Variants in CHSY3 observed in about 807,000 individuals in gnomAD.
CHSY3 encodes N-acetylgalactosaminyl-proteoglycan 3-beta-glucuronosyltransferase 3.
Under a neutral mutation model 67.2 loss-of-function variants are expected in CHSY3, and 35 were observed. The observed-to-expected ratio is 0.52, with a 90% CI of 0.40 to 0.69. The LOEUF is 0.69. Among genes scored for constraint, CHSY3 ranks in the 30% least tolerant of loss-of-function variants. The pLI is 0.00. For missense variants in CHSY3, 1,069 were observed against 1,138.5 expected (o/e 0.94, Z 0.88); for synonymous variants, 474 against 434.7 (o/e 1.09, Z -1.12).
intron 2 of CHSY3, among the ~76,000 whole-genome samples, chr5:129,939,969 A>G (rs1207581092): frequency 6.6e-6 from 1 of 152,162 alleles, no homozygotes; most frequent in Non-Finnish European, 1.5e-5. Context: ...GACTGTTTAA[A>G]CAGTATGATT....
At chr5:129,996,712 CAT>C (rs1405379248) in intron 2 of CHSY3, among the ~76,000 whole-genome samples, 1 of 151,994 alleles carries the variant, frequency 6.6e-6, no homozygotes, top group Non-Finnish European at 1.5e-5. Flanking sequence ...TTATGACAAA[CAT>C]GTAGCAATTC....
At chr5:130,023,797 A>G (rs1439087151) in intron 2 of CHSY3, among the ~76,000 whole-genome samples, 1 of 151,942 alleles carries the variant, frequency 6.6e-6, no homozygotes, top group Non-Finnish European at 1.5e-5. Context: ...TGTATTAATA[A>G]AGTGTACAGA....
At chr5:130,017,029 T>G (rs1764237465) in intron 2 of CHSY3, among the ~76,000 whole-genome samples, 1 of 152,044 alleles carries the variant, frequency 6.6e-6, no homozygotes, top group Non-Finnish European at 1.5e-5. Flanking sequence ...GCTGTAAACA[T>G]CCAGCCATGA....
intron 2 of CHSY3, among the ~76,000 whole-genome samples, chr5:130,160,900 T>TA (rs1441444249): frequency 7.2e-6 from 1 of 138,800 alleles, no homozygotes; most frequent in Non-Finnish European, 1.5e-5. Flanking sequence ...TATTTATTTT[T>TA]TTTTTTTTAT....
chr5:130,022,416 C>T (rs1293602416), intron 2 of CHSY3, among the ~76,000 whole-genome samples: 4 of 151,836 alleles, frequency 2.6e-5, no homozygotes, highest in African/African-American at 9.7e-5. Context: ...CTGTTAATAC[C>T]ACCACTAATA....
intron 2 of CHSY3, among the ~76,000 whole-genome samples, chr5:130,168,017 A>G (rs1403797586): frequency 6.6e-6 from 1 of 152,090 alleles, no homozygotes; most frequent in Non-Finnish European, 1.5e-5. Context: ...ACACATGCAC[A>G]CACACTGATA....
chr5:130,045,630 T>A (rs1468560215), intron 2 of CHSY3, among the ~76,000 whole-genome samples: 1 of 152,054 alleles, frequency 6.6e-6, no homozygotes, highest in Non-Finnish European at 1.5e-5. Context: ...CTGATGTAGA[T>A]TTGGTGCTCT....
chr5:129,972,988 T>C (rs1354050455), intron 2 of CHSY3, among the ~76,000 whole-genome samples: 2 of 152,042 alleles, frequency 1.3e-5, no homozygotes, highest in Non-Finnish European at 2.9e-5. Flanking sequence ...TCAATCATGC[T>C]TTTTCATGGT....
chr5:130,154,829 A>G (rs943262810), intron 2 of CHSY3, among the ~76,000 whole-genome samples: 3 of 152,194 alleles, frequency 2.0e-5, no homozygotes, highest in African/African-American at 7.2e-5. Context: ...GGAGTTAAAG[A>G]TCTTCCTAGG....
chr5:130,077,225 C>G (rs1021987615), intron 2 of CHSY3, among the ~76,000 whole-genome samples: 7 of 151,994 alleles, frequency 4.6e-5, no homozygotes, highest in Admixed American at 2.0e-4. Context: ...AGTATGAGGC[C>G]TGCTTCACAA....
At chr5:130,145,373 T>C (rs1419146390) in intron 2 of CHSY3, among the ~76,000 whole-genome samples, 3 of 152,186 alleles carry the variant, frequency 2.0e-5, no homozygotes, top group Non-Finnish European at 4.4e-5. Flanking sequence ...TAAATGTTGC[T>C]GGGAAAATTT....
At chr5:130,021,666 T>A (rs1275416454) in intron 2 of CHSY3, among the ~76,000 whole-genome samples, 1 of 152,138 alleles carries the variant, frequency 6.6e-6, no homozygotes, top group African/African-American at 2.4e-5. Context: ...TATGTTTTAA[T>A]GCTTTTTCTA....
At chr5:130,020,461 A>ATATATATTTTTTTT (rs1371121130) in intron 2 of CHSY3, among the ~76,000 whole-genome samples, 1 of 79,934 alleles carries the variant, frequency 1.3e-5, no homozygotes, top group African/African-American at 6.1e-5. Flanking sequence ...ATATATATAT[A>ATATATATTTTTTTT]TTTTTTTTTT....
intron 2 of CHSY3, among the ~76,000 whole-genome samples, chr5:130,016,484 T>C (rs977812210): frequency 6.6e-6 from 1 of 152,234 alleles, no homozygotes; most frequent in Non-Finnish European, 1.5e-5. Flanking sequence ...CGATCTCAGC[T>C]CAGTGCAACC....
chr5:129,904,218 C>G (rs1258331759), upstream of CHSY3, among the ~76,000 whole-genome samples: 3 of 144,674 alleles, frequency 2.1e-5, no homozygotes, highest in Admixed American at 7.1e-5. Context: ...CGCTGCAAGC[C>G]GGAGGCGGCC....
intron 2 of CHSY3, among the ~76,000 whole-genome samples, chr5:130,037,256 C>T (rs1764886755): frequency 6.6e-6 from 1 of 152,000 alleles, no homozygotes; most frequent in Admixed American, 6.6e-5. Context: ...TGAGTTTCAC[C>T]ACCAATGCAG....
chr5:130,174,367 G>A (rs1405779343), intron 2 of CHSY3, among the ~76,000 whole-genome samples: 1 of 151,420 alleles, frequency 6.6e-6, no homozygotes, highest in Non-Finnish European at 1.5e-5. Flanking sequence ...CTTTACATAA[G>A]TAAATTAAGG....
intron 2 of CHSY3, among the ~76,000 whole-genome samples, chr5:130,008,140 C>T (rs1371560692): frequency 1.3e-5 from 2 of 152,220 alleles, no homozygotes; most frequent in East Asian, 1.9e-4. Flanking sequence ...TGTGTGGACC[C>T]TGCTGCTATG....
intron 2 of CHSY3, among the ~76,000 whole-genome samples, chr5:130,080,118 A>G (rs1766401021): frequency 6.6e-6 from 1 of 152,020 alleles, no homozygotes; most frequent in South Asian, 2.1e-4. Flanking sequence ...ACTTAAATAT[A>G]TACATAAAAT....
Sources: allele counts gnomAD v4.1 joint callset (sites outside exome capture counted in the v4.1 genomes callset), GRCh38; gene constraint gnomAD v4.1.1; transcripts MANE v1.5; gene names NCBI Gene and HGNC (gene_info 2026-07-23, HGNC 2026-07-21).